CDC42EP5: variants seen among roughly 807,000 people sequenced by gnomAD.
CDC42EP5 encodes CDC42 effector protein 5.
For synonymous variants in CDC42EP5, 118 were observed against 123.3 expected, an observed-to-expected ratio of 0.96 and a Z score of 0.28; for missense variants, 269 against 238.0, an observed-to-expected ratio of 1.13 and a Z score of -0.86.
In CDC42EP5 at chr19:54,465,219, GCCGCGTCCATGACGCCCAGCA is replaced by G; in HGVS notation, c.308_328del (p.Val103_Ala109del). On this transcript the variant is annotated inframe_deletion, in exon 3 of 3. Transcript: ENST00000301200. ...CTTGGCGGCAGCCGCCTCCGGGCGC[GCCGCGTCCATGACGCCCAGCA>G]CCGCGTCCAGCATGGAGGGCCCCAG... 6.9e-7 allele frequency: 1 copy of G among 1,440,446 alleles called. No individual in the cohort carries two copies. The highest frequency in any genetic ancestry group is 3.0e-5 in the East Asian group (1 of 33,138). The allele number at this position is 1,440,446 out of a possible 1,614,324, so 89.2% of individuals were successfully genotyped here.
At chr19:54,467,866 T>C (rs2084777033) in intron 2 of CDC42EP5, among the ~76,000 whole-genome samples, 2 of 152,182 alleles carry the variant, frequency 1.3e-5, no homozygotes, top group Admixed American at 6.5e-5. Context: ...AGTCTGCCCA[T>C]ATCCTGGTCA....
intron 2 of CDC42EP5, among the ~76,000 whole-genome samples, chr19:54,470,738 G>C (rs2123299309): frequency 6.6e-6 from 1 of 152,278 alleles, no homozygotes. Context: ...GAGAAGTTAA[G>C]TCACTTGCCC....
intron 2 of CDC42EP5, among the ~76,000 whole-genome samples, chr19:54,468,432 ATTTATCAAAT>A (rs2084784732): frequency 6.6e-6 from 1 of 152,058 alleles, no homozygotes; most frequent in African/African-American, 2.4e-5. Context: ...CCTCTGCAGC[ATTTATCAAAT>A]TTCTCTGACC....
At chr19:54,467,083 G>A (rs534794752) in intron 2 of CDC42EP5, among the ~76,000 whole-genome samples, 15 of 149,334 alleles carry the variant, frequency 1.0e-4, no homozygotes, top group African/African-American at 3.4e-4. Flanking sequence ...GAGCCACCAC[G>A]CCTGGCCAAC....
intron 2 of CDC42EP5, among the ~76,000 whole-genome samples, chr19:54,469,912 A>G (rs139968059): frequency 7.4e-4 from 113 of 151,716 alleles, no homozygotes; most frequent in African/African-American, 2.6e-3. Flanking sequence ...CCATTGCCCT[A>G]TCCGTTGCCA....
chr19:54,465,101 C>G lies in CDC42EP5; in HGVS notation c.447G>C (p.Ter149TyrextTer18). Residue 149 changes from the stop codon to tyrosine (Y), a stop_lost, in exon 3 of 3, where the codon TAG becomes TAC. Transcript: ENST00000301200. ...DLELNDVIGL* is the reference protein window; with the variant it reads ...DLELNDVIGLY ...GGAAGGGCGCGGGGAATGAGGGAACCTAGAGGCCGATGACGTCGTTCAGCT... is the reference window on the plus strand; with the variant it reads ...GGAAGGGCGCGGGGAATGAGGGAACGTAGAGGCCGATGACGTCGTTCAGCT... 3 of 1,362,650 alleles carry G rather than the reference C, an allele frequency of 2.2e-6. No homozygotes were observed. Among genetic ancestry groups the G allele is most frequent in the Non-Finnish European group, 2.8e-6 (3 of 1,059,532 alleles). The allele number at this position is 1,362,650 out of a possible 1,614,324, so 84.4% of individuals were successfully genotyped here.
At chr19:54,470,318 G>C (rs1268702127) in intron 2 of CDC42EP5, among the ~76,000 whole-genome samples, 1 of 151,908 alleles carries the variant, frequency 6.6e-6, no homozygotes, top group East Asian at 1.9e-4. Context: ...GCTGCAGTGA[G>C]GTATGATCGT....
chr19:54,469,830 T>G (rs1438621694), intron 2 of CDC42EP5, among the ~76,000 whole-genome samples: 4 of 152,160 alleles, frequency 2.6e-5, no homozygotes, highest in Non-Finnish European at 5.9e-5. Flanking sequence ...TGCTGCCTCT[T>G]GACTCGTGGA....
chr19:54,469,535 C>T lies in CDC42EP5; in HGVS notation c.-1+2010G>A, dbSNP rs1371383513. ...TGTGGCTTTGAGCAACTTACTTGAC[C>T]TTTCTGACCTCATTTCCTTATCTTG... On this transcript the variant is annotated intron_variant, in intron 2 of 2. Coordinates refer to ENST00000301200, the MANE Select transcript of CDC42EP5 (RefSeq NM_145057.4). Among the ~76,000 whole-genome samples, 3 of 152,226 alleles carry T rather than the reference C, an allele frequency of 2.0e-5. No homozygotes were observed. The East Asian group carries it at 5.8e-4, about 29-fold the overall frequency.
At chr19:54,471,520 G>T (rs1266340539) in intron 2 of CDC42EP5, 25 bp downstream of exon 2, 1 of 151,844 alleles carries the variant, frequency 6.6e-6, no homozygotes, top group African/African-American at 2.4e-5. Flanking sequence ...CGGGACCCAG[G>T]ACCCCTGTCC....
chr19:54,465,143 G>A lies in CDC42EP5; in HGVS notation c.405C>T (p.Arg135=). 1 of 1,398,088 alleles carries A rather than the reference G, an allele frequency of 7.2e-7. No individual in the cohort carries two copies. The highest frequency in any genetic ancestry group is 9.2e-7 in the Non-Finnish European group (1 of 1,083,820). 86.6% of individuals were successfully genotyped at this position (1,398,088 alleles called of 1,614,324 possible). A position where few individuals can be genotyped will look rare whatever the true frequency, so the allele number is the denominator to read the frequency against. The change falls in exon 3 of 3, where the codon CGC becomes CGT. Residue 135 remains arginine (R), a synonymous_variant. Transcript: ENST00000301200. Reference sequence around the variant, plus strand: ...CGTTCAGCTCGAGGTCCGCGTTGGGGCGGCAGCGGGCCTGGGGGGGCTGCG... The same window carrying A: ...CGTTCAGCTCGAGGTCCGCGTTGGGACGGCAGCGGGCCTGGGGGGGCTGCG... ...PGTQPPQARC[R]PNADLELNDV...
At chr19:54,472,532 A>G (rs555658667) in intron 1 of CDC42EP5, among the ~76,000 whole-genome samples, 6 of 57,694 alleles carry the variant, frequency 1.0e-4, no homozygotes, top group African/African-American at 5.0e-4. Flanking sequence ...CCTCAGACCC[A>G]GGAGTCAAGA....
intron 1 of CDC42EP5, among the ~76,000 whole-genome samples, 188 bp downstream of exon 1, chr19:54,472,876 G>A (rs867967630): frequency 3.3e-4 from 4 of 11,970 alleles, no homozygotes; most frequent in Non-Finnish European, 6.7e-4. Flanking sequence ...AGGAGTCCAG[G>A]CCCCCAGCCC....
At chr19:54,472,760 T>C (rs1342668284) in intron 1 of CDC42EP5, among the ~76,000 whole-genome samples, 2 of 59,358 alleles carry the variant, frequency 3.4e-5, no homozygotes, top group African/African-American at 1.4e-4. Flanking sequence ...GACCCAGGAG[T>C]CCAGACCCCC....
chr19:54,472,030 C>T (rs561599361), intron 1 of CDC42EP5, among the ~76,000 whole-genome samples: 2 of 54,570 alleles, frequency 3.7e-5, no homozygotes, highest in Non-Finnish European at 7.1e-5. Context: ...CCCCCAGCCC[C>T]TCCTCCCTCA....
intron 2 of CDC42EP5, among the ~76,000 whole-genome samples, chr19:54,469,949 A>G (rs1304074751): frequency 6.6e-6 from 1 of 152,080 alleles, no homozygotes. Context: ...GGCAACACAC[A>G]TAAAGTCTTG....
At chr19:54,470,626 A>G (rs2084822652) in intron 2 of CDC42EP5, among the ~76,000 whole-genome samples, 1 of 152,210 alleles carries the variant, frequency 6.6e-6, no homozygotes, top group Non-Finnish European at 1.5e-5. Context: ...CCAAGTGCTT[A>G]TCCTGGGCCA....
At chr19:54,470,514 A>G (rs1164302219) in intron 2 of CDC42EP5, among the ~76,000 whole-genome samples, 5 of 137,232 alleles carry the variant, frequency 3.6e-5, no homozygotes, top group Non-Finnish European at 7.7e-5. Context: ...AGAAAGAAAG[A>G]AAGGAAAGAA....
At position 54,465,166 on chromosome 19, in the gene CDC42EP5, G is replaced by T; in HGVS notation, c.382C>A (p.Gln128Lys). ...KPDAEPRPGT[Q>K]PPQARCRPNA... ...GGGCGGCAGCGGGCCTGGGGGGGCT[G>T]CGTCCCGGGGCGGGGTTCCGCGTCG... The change falls in exon 3 of 3, where the codon CAG (glutamine) becomes AAG (lysine). Residue 128 changes from glutamine to lysine, a missense_variant. Transcript: ENST00000301200. 7.1e-7 allele frequency: 1 copy of T among 1,409,142 alleles called. No individual in the cohort carries two copies. Among genetic ancestry groups the T allele is most frequent in the Non-Finnish European group, 9.2e-7 (1 of 1,088,696 alleles). The allele number at this position is 1,409,142 out of a possible 1,614,324, so 87.3% of individuals were successfully genotyped here.
Sources: allele counts gnomAD v4.1 joint callset (sites outside exome capture counted in the v4.1 genomes callset), GRCh38; gene constraint gnomAD v4.1.1; transcripts MANE v1.5; gene names NCBI Gene and HGNC (gene_info 2026-07-23, HGNC 2026-07-21).